TIAM1: variants seen among roughly 807,000 people sequenced by gnomAD.
TIAM1 encodes the protein rho guanine nucleotide exchange factor TIAM1.
A neutral mutation model predicts 163.5 loss-of-function variants in TIAM1; 65 were observed. That is an observed-to-expected ratio of 0.40 (90% CI 0.33 to 0.49). The LOEUF is 0.49. TIAM1 is among the 20% of genes least tolerant of loss of function. The pLI is 0.77. For missense variants in TIAM1, 1,789 were observed against 2,044.7 expected (o/e 0.87, Z 2.41); for synonymous variants, 833 against 810.1 (o/e 1.03, Z -0.48).
chr21:31,236,850 C>T (rs1308001457), intron 6 of TIAM1, among the ~76,000 whole-genome samples: 2 of 152,152 alleles, frequency 1.3e-5, no homozygotes, highest in African/African-American at 4.8e-5. Context: ...CCTGGGCACG[C>T]TTACAAGTAA....
chr21:31,379,544 A>G (rs2076743053), intron 2 of TIAM1, among the ~76,000 whole-genome samples: 1 of 152,142 alleles, frequency 6.6e-6, no homozygotes, highest in Admixed American at 6.5e-5. Flanking sequence ...AAAAAATGTG[A>G]AAACGTATGT....
chr21:31,255,857 C>T (rs1395513693), intron 4 of TIAM1, among the ~76,000 whole-genome samples: 1 of 152,180 alleles, frequency 6.6e-6, no homozygotes, highest in African/African-American at 2.4e-5. Flanking sequence ...TCATGAACAA[C>T]ATTCACAGGG....
chr21:31,319,542 G>A (rs2075240956), intron 2 of TIAM1, among the ~76,000 whole-genome samples: 1 of 152,050 alleles, frequency 6.6e-6, no homozygotes, highest in African/African-American at 2.4e-5. Flanking sequence ...ACTTTGGGAG[G>A]CCAAGACGGG....
chr21:31,487,620 C>T (rs2046319751), intron 1 of TIAM1, among the ~76,000 whole-genome samples: 1 of 149,682 alleles, frequency 6.7e-6, no homozygotes, highest in Non-Finnish European at 1.5e-5. Flanking sequence ...TGCAGTGGCG[C>T]AATCTCGGCT....
At chr21:31,215,570 A>AG (rs1238877305) in intron 9 of TIAM1, among the ~76,000 whole-genome samples, 1 of 143,022 alleles carries the variant, frequency 7.0e-6, no homozygotes, top group African/African-American at 2.7e-5. Context: ...TCAAAAAAGA[A>AG]AAAAAAAAAA....
intron 2 of TIAM1, among the ~76,000 whole-genome samples, chr21:31,436,765 C>T (rs2044224198): frequency 6.6e-6 from 1 of 152,122 alleles, no homozygotes; most frequent in Non-Finnish European, 1.5e-5. Flanking sequence ...TGAGACCAGC[C>T]TAGCCAACAT....
At chr21:31,409,965 AAGG>A (rs1303235337) in intron 2 of TIAM1, among the ~76,000 whole-genome samples, 1 of 152,054 alleles carries the variant, frequency 6.6e-6, no homozygotes, top group African/African-American at 2.4e-5. Context: ...TGAGAGAAAA[AAGG>A]AGATCCAAGT....
chr21:31,542,695 G>A (rs371158973), intron 1 of TIAM1, among the ~76,000 whole-genome samples: 3 of 152,108 alleles, frequency 2.0e-5, no homozygotes, highest in East Asian at 3.9e-4. Context: ...CCACGGTTGG[G>A]CACAGTAATG....
At chr21:31,183,463 G>C (rs1174853379) in intron 14 of TIAM1, among the ~76,000 whole-genome samples, 1 of 152,134 alleles carries the variant, frequency 6.6e-6, no homozygotes, top group East Asian at 1.9e-4. Flanking sequence ...GCTAGGGAGA[G>C]AAAAGGAGCC....
chr21:31,135,821 T>A, intron 23 of TIAM1, 112 bp downstream of exon 23: 1 of 942,580 alleles, frequency 1.1e-6, no homozygotes. Context: ...CCGATTCAAG[T>A]AACTGCAATT....
intron 3 of TIAM1, among the ~76,000 whole-genome samples, chr21:31,269,671 G>GTTT (rs11350283): frequency 5.6e-5 from 7 of 124,246 alleles, no homozygotes; most frequent in Admixed American, 8.0e-5. Context: ...AAGTTTGTTT[G>GTTT]TTTTTTTTTT....
intron 2 of TIAM1, among the ~76,000 whole-genome samples, chr21:31,442,911 AC>A (rs1172014172): frequency 6.6e-6 from 1 of 152,226 alleles, no homozygotes; most frequent in Non-Finnish European, 1.5e-5. Flanking sequence ...CAAATATGAG[AC>A]GGCCAGGACC....
intron 2 of TIAM1, among the ~76,000 whole-genome samples, chr21:31,374,642 C>A (rs1293401747): frequency 6.6e-6 from 1 of 152,152 alleles, no homozygotes; most frequent in African/African-American, 2.4e-5. Context: ...GGGTTCCCAC[C>A]CATCACGCTG....
intron 2 of TIAM1, among the ~76,000 whole-genome samples, chr21:31,460,060 G>T (rs1000544331): frequency 3.3e-5 from 5 of 151,666 alleles, no homozygotes; most frequent in African/African-American, 9.7e-5. Flanking sequence ...CACCAAGGAA[G>T]CTCCTCTGCA....
intron 2 of TIAM1, among the ~76,000 whole-genome samples, chr21:31,297,679 C>T (rs1031960631): frequency 1.3e-5 from 2 of 152,134 alleles, no homozygotes; most frequent in African/African-American, 2.4e-5. Context: ...CCACCGTGCC[C>T]GGCCAATGGG....
chr21:31,465,310 C>G (rs1313227146), intron 1 of TIAM1, among the ~76,000 whole-genome samples: 2 of 152,032 alleles, frequency 1.3e-5, no homozygotes, highest in African/African-American at 4.8e-5. Context: ...GATCTGTAGT[C>G]TTGAACTCCA....
At chr21:31,548,134 T>A (rs1473923694) in intron 1 of TIAM1, among the ~76,000 whole-genome samples, 6 of 1,658 alleles carry the variant, frequency 3.6e-3, no homozygotes, top group Admixed American at 8.8e-3. Flanking sequence ...ATTTGTGTCT[T>A]TTTTTTTTTT....
At chr21:31,326,043 C>T (rs1260770731) in intron 2 of TIAM1, among the ~76,000 whole-genome samples, 1 of 152,212 alleles carries the variant, frequency 6.6e-6, no homozygotes, top group Non-Finnish European at 1.5e-5. Flanking sequence ...GCTGAGGCCT[C>T]TGCTTTTCCA....
chr21:31,329,884 T>C (rs1028260993), intron 2 of TIAM1, among the ~76,000 whole-genome samples: 1 of 152,146 alleles, frequency 6.6e-6, no homozygotes, highest in Non-Finnish European at 1.5e-5. Context: ...ATAATACCAT[T>C]TTATAGAGCA....
Sources: gnomAD v4.1 joint callset for allele counts (sites outside exome capture counted in the v4.1 genomes callset) on GRCh38, gnomAD v4.1.1 for gene constraint, MANE v1.5 for transcripts, NCBI Gene and HGNC (gene_info 2026-07-23, HGNC 2026-07-21) for gene names.